RINT1: variants seen among roughly 807,000 people sequenced by gnomAD.
The protein encoded by RINT1 is RAD50 interactor 1, also known as RAD50-interacting protein 1.
A neutral mutation model predicts 97.7 loss-of-function variants in RINT1; 75 were observed. The ratio of observed to expected loss-of-function variants is 0.77; its 90% CI spans 0.64 to 0.93. The LOEUF (loss-of-function observed/expected upper bound fraction) is 0.93. RINT1 is among the 40% of genes least tolerant of loss of function. The probability of loss-of-function intolerance (pLI) is 0.00; values close to 1 mark genes in which losing one functional copy is unlikely to be tolerated. For missense variants in RINT1, 892 were observed against 925.2 expected, an observed-to-expected ratio of 0.96 and a Z score of 0.47; for synonymous variants, 303 against 326.3, an observed-to-expected ratio of 0.93 and a Z score of 0.77.
In RINT1 at chr7:105,535,382, G is replaced by A. The variant is rs10281874; in HGVS notation, c.89-1183G>A. 3.4e-3 allele frequency among the ~76,000 whole-genome samples: 509 copies of A among 151,698 alleles called. 3 individuals are homozygous for A. Among genetic ancestry groups the A allele is most frequent in the African/African-American group, 0.01 (429 of 41,364 alleles). The stretch of plus-strand genomic sequence containing the variant: ...GTAGCTGGGACTATAAGCGTGCACC[G>A]CCATGCCCAGCTAATTTTTGTATTT... On this transcript the variant is annotated intron_variant, in intron 2 of 14. Transcript: ENST00000257700.
intron 7 of RINT1, among the ~76,000 whole-genome samples, chr7:105,549,760 CTCA>C (rs1453153570): frequency 2.0e-5 from 3 of 152,072 alleles, no homozygotes; most frequent in Admixed American, 6.6e-5. Flanking sequence ...CTTTGTAATA[CTCA>C]TCATTTTACA....
intron 2 of RINT1, among the ~76,000 whole-genome samples, chr7:105,534,895 G>T (rs1444318232): frequency 6.6e-6 from 1 of 152,078 alleles, no homozygotes; most frequent in Non-Finnish European, 1.5e-5. Flanking sequence ...GGGTGTAGGG[G>T]TGGAGACAGG....
chr7:105,534,420 C>G (rs1294545417), intron 2 of RINT1, among the ~76,000 whole-genome samples: 1 of 151,992 alleles, frequency 6.6e-6, no homozygotes, highest in Non-Finnish European at 1.5e-5. Context: ...TAAGATACAG[C>G]AACTTTAGCA....
In RINT1 at chr7:105,548,703, T is replaced by TA. The variant is rs1258375347; in HGVS notation, c.991dup (p.Ser331LysfsTer19). On this transcript the variant is annotated frameshift_variant, in exon 7 of 15. Coordinates refer to ENST00000257700, the MANE Select transcript of RINT1 (RefSeq NM_021930.6). LOFTEE classifies it high-confidence loss of function. The stretch of plus-strand genomic sequence containing the variant: ...AGAGGGAACCGGCAGACTAATGTGT[T>TA]AAGCAAGGTGTGTTTTGCCAGCTCT... The TA allele has an allele frequency of 6.2e-7, 1 of 1,606,962 alleles. No individual in the cohort carries two copies. The highest frequency in any genetic ancestry group is 2.2e-5 in the East Asian group (1 of 44,746).
Position 105,542,548 on chromosome 7 carries a change from G to C in RINT1, c.414G>C (p.Ala138=). The part of the protein sequence containing the change: ...FSAINSHLLT[A]QPWMDDLGTM... Reference sequence around the variant, plus strand: ...CCATTAACAGCCATTTGCTGACTGCGCAACCTTGGATGGACGATCTTGGAA... The same window carrying C: ...CCATTAACAGCCATTTGCTGACTGCCCAACCTTGGATGGACGATCTTGGAA... The change falls in exon 4 of 15, where the codon GCG becomes GCC. Residue 138 remains alanine (A), a synonymous_variant. Transcript: ENST00000257700. 1 of 1,614,046 alleles carries C rather than the reference G, an allele frequency of 6.2e-7. No individual in the cohort carries two copies. Among genetic ancestry groups the C allele is most frequent in the Non-Finnish European group, 8.5e-7 (1 of 1,180,018 alleles).
At position 105,532,207 on chromosome 7, in the gene RINT1, C is replaced by A; in HGVS notation, c.-109C>A. On this transcript the variant is annotated 5_prime_UTR_variant, in exon 1 of 15. Transcript: ENST00000257700. ...ACATCGAGAGGAAGTCGCTGTGGCA[C>A]TCAGTCCTACGGCCTCCGAGGCTGG... 8.1e-7 allele frequency: 1 copy of A among 1,233,606 alleles called. No homozygotes were observed. Among genetic ancestry groups the A allele is most frequent in the Non-Finnish European group, 1.1e-6 (1 of 893,178 alleles). The allele number at this position is 1,233,606 out of a possible 1,614,324, so 76.4% of individuals were successfully genotyped here.
chr7:105,533,233 A>G (rs547774289), intron 2 of RINT1, among the ~76,000 whole-genome samples: 47 of 152,130 alleles, frequency 3.1e-4, no homozygotes, highest in Non-Finnish European at 6.3e-4. Context: ...AGGACAGACG[A>G]CCACCACCCT....
At chr7:105,558,298 A>AAT (rs1046184840) in intron 11 of RINT1, among the ~76,000 whole-genome samples, 2 of 151,634 alleles carry the variant, frequency 1.3e-5, no homozygotes, top group Non-Finnish European at 2.9e-5. Flanking sequence ...AGTCTCAAAA[A>AAT]AAAAAAAAAA....
chr7:105,537,619 C>T (rs912130538), intron 3 of RINT1, among the ~76,000 whole-genome samples: 1 of 151,692 alleles, frequency 6.6e-6, no homozygotes, highest in Non-Finnish European at 1.5e-5. Flanking sequence ...CACCTGAGGT[C>T]AGGAGTTTGA....
intron 3 of RINT1, among the ~76,000 whole-genome samples, chr7:105,538,980 A>C (rs370422265): frequency 9.9e-5 from 15 of 152,134 alleles, no homozygotes; most frequent in African/African-American, 3.4e-4. Flanking sequence ...AAACAAAAAA[A>C]CCCATGATCT....
chr7:105,548,939 T>C lies in RINT1; in HGVS notation c.996+229T>C, dbSNP rs78088443. Among the ~76,000 whole-genome samples the C allele has an allele frequency of 2.5e-3, 388 of 152,298 alleles. 3 individuals carry two copies. The highest frequency in any genetic ancestry group is 9.0e-3 in the African/African-American group (374 of 41,564). On this transcript the variant is annotated intron_variant, in intron 7 of 14. Coordinates refer to ENST00000257700, the MANE Select transcript of RINT1 (RefSeq NM_021930.6). ...TCTTGGGCATCAGATATTGCTGAGT[T>C]ATCATTGCAAAACAAAGCAAAGCAA...
At chr7:105,564,957 C>G (rs1024682096) in intron 12 of RINT1, among the ~76,000 whole-genome samples, 1 of 151,800 alleles carries the variant, frequency 6.6e-6, no homozygotes, top group Admixed American at 6.6e-5. Context: ...GAGCGAGACT[C>G]TGTCTCAAAA....
intron 3 of RINT1, 172 bp from the exon 4 acceptor site, chr7:105,542,236 G>A (rs1324907242): frequency 6.8e-6 from 4 of 586,554 alleles, no homozygotes; most frequent in Non-Finnish European, 1.2e-5. Context: ...TGGGGAGGTT[G>A]AGGTGGGAGG....
rs1790887536 is a variant in RINT1 at position 105,550,636 on chromosome 7, T to C, written c.1333+150T>C. The C allele has an allele frequency of 8.1e-6, 5 of 620,174 alleles. 1 individual carries two copies. The South Asian group carries it at 8.4e-5, about 10-fold the overall frequency. The allele number at this position is 620,174 out of a possible 1,614,324, so 38.4% of individuals were successfully genotyped here. A position where few individuals can be genotyped will look rare whatever the true frequency, so the allele number is the denominator to read the frequency against. Reference sequence around the variant, plus strand: ...TTCTGTTTCCTTCAGAGATAATCTTTTCTTTACTTCACATGAAACTTCCAT... The same window carrying C: ...TTCTGTTTCCTTCAGAGATAATCTTCTCTTTACTTCACATGAAACTTCCAT... On this transcript the variant is annotated intron_variant, in intron 9 of 14. Coordinates refer to ENST00000257700, the MANE Select transcript of RINT1 (RefSeq NM_021930.6).
At chr7:105,532,497 G>A in intron 1 of RINT1, 140 bp downstream of exon 1, 2 of 963,930 alleles carry the variant, frequency 2.1e-6, no homozygotes, top group African/African-American at 1.6e-5. Context: ...AGAGGCCCTT[G>A]TAAGACCTCC....
At chr7:105,554,487 G>C (rs1791088775) in intron 10 of RINT1, among the ~76,000 whole-genome samples, 1 of 147,766 alleles carries the variant, frequency 6.8e-6, no homozygotes, top group Non-Finnish European at 1.5e-5. Context: ...TGCCTAGGCT[G>C]GAAAGCAGTG....
At chr7:105,538,062 G>A (rs1052297837) in intron 3 of RINT1, among the ~76,000 whole-genome samples, 4 of 151,328 alleles carry the variant, frequency 2.6e-5, no homozygotes, top group African/African-American at 7.3e-5. Context: ...GCGTGATCTC[G>A]GCTCACTGCA....
chr7:105,536,604 T>C lies in RINT1; in HGVS notation c.128T>C (p.Val43Ala), dbSNP rs1477963957. The C allele has an allele frequency of 2.5e-6, 4 of 1,605,340 alleles. No individual in the cohort carries two copies. The highest frequency in any genetic ancestry group is 1.7e-4 in the Middle Eastern group (1 of 6,030). ...ACAGTTCTTATTGGAAGTAAACAAG[T>C]CAGTGAAGGTACAGATAATGGTGAT... ...NVTVLIGSKQ[V>A]SEGTDNGDLP... Residue 43 changes from valine to alanine, a missense_variant, in exon 3 of 15, where the codon GTC (valine) becomes GCC (alanine). Physicochemically the swap from Val to Ala is moderately conservative, Grantham distance 64. Transcript: ENST00000257700.
intron 10 of RINT1, among the ~76,000 whole-genome samples, chr7:105,553,154 T>C (rs1178216788): frequency 6.6e-6 from 1 of 152,062 alleles, no homozygotes; most frequent in African/African-American, 2.4e-5. Flanking sequence ...CACTTTTCTG[T>C]TATATTTTAC....
Sources: allele counts gnomAD v4.1 joint callset (sites outside exome capture counted in the v4.1 genomes callset), GRCh38; gene constraint gnomAD v4.1.1; transcripts MANE v1.5; gene names NCBI Gene and HGNC (gene_info 2026-07-23, HGNC 2026-07-21).